Variants in NKAIN3 observed in about 807,000 individuals in gnomAD.
NKAIN3 encodes the protein sodium/potassium transporting ATPase interacting 3, also known as sodium/potassium-transporting ATPase subunit beta-1-interacting protein 3.
In NKAIN3, 25 loss-of-function variants were observed where a neutral mutation model predicts 30.2. The ratio of observed to expected loss-of-function variants is 0.83; its 90% CI spans 0.60 to 1.16. The LOEUF is 1.16. NKAIN3 is among the 50% of genes most tolerant of loss of function. NKAIN3 has a pLI of 0.00. For missense variants in NKAIN3, 225 were observed against 254.1 expected (o/e 0.89, Z 0.78); for synonymous variants, 91 against 89.6 (o/e 1.02, Z -0.09).
chr8:62,782,847 TTAGA>T (rs926676201), intron 4 of NKAIN3, among the ~76,000 whole-genome samples: 6 of 149,396 alleles, frequency 4.0e-5, no homozygotes, highest in Non-Finnish European at 8.9e-5. Flanking sequence ...CAAAATGCAG[TTAGA>T]TAGAAGAAAA....
chr8:62,484,248 A>G (rs1328396896), intron 1 of NKAIN3, among the ~76,000 whole-genome samples: 3 of 151,822 alleles, frequency 2.0e-5, no homozygotes, highest in Non-Finnish European at 2.9e-5. Context: ...GGCTCTTTCT[A>G]TGTCTGTTTC....
Position 62,965,430 on chromosome 8 carries a change from G to C in NKAIN3, c.*23G>C. ...TAGGGAGCAAAGGACCATTGACTGC[G>C]CGCCTCGGTGGATCCGACCCGCCTG... On this transcript the variant is annotated 3_prime_UTR_variant, in exon 7 of 7. Coordinates refer to ENST00000623646, the MANE Select transcript of NKAIN3 (RefSeq NM_001304533.3). 1 of 985,688 alleles carries C rather than the reference G, an allele frequency of 1.0e-6. No homozygotes were observed. Among genetic ancestry groups the C allele is most frequent in the Non-Finnish European group, 1.2e-6 (1 of 829,910 alleles). 61.1% of individuals were successfully genotyped at this position (985,688 alleles called of 1,614,324 possible).
In NKAIN3 at chr8:62,851,587, G is replaced by T. The variant is rs537108813; in HGVS notation, c.472-66866G>T. Among the ~76,000 whole-genome samples, 3 of 152,256 alleles carry T rather than the reference G, an allele frequency of 2.0e-5. No individual in the cohort carries two copies. The South Asian group carries it at 6.2e-4, about 32-fold the overall frequency. On this transcript the variant is annotated intron_variant, in intron 4 of 6. Coordinates refer to ENST00000623646, the MANE Select transcript of NKAIN3 (RefSeq NM_001304533.3). The stretch of plus-strand genomic sequence containing the variant: ...TTGCCCATTCAATATGATATTGGCT[G>T]TGGGTTTGTCATAGATAGCTCTTAT...
intron 4 of NKAIN3, among the ~76,000 whole-genome samples, chr8:62,877,567 T>C (rs1001030513): frequency 2.0e-5 from 3 of 152,236 alleles, no homozygotes; most frequent in Non-Finnish European, 4.4e-5. Flanking sequence ...ACATAGGATC[T>C]TGGCCTGGAG....
chr8:62,957,220 G>A (rs773966269), intron 6 of NKAIN3, among the ~76,000 whole-genome samples: 3 of 151,656 alleles, frequency 2.0e-5, no homozygotes, highest in Non-Finnish European at 4.4e-5. Flanking sequence ...TGCAAGCTCC[G>A]CCTCCTGAGT....
intron 3 of NKAIN3, among the ~76,000 whole-genome samples, chr8:62,743,626 G>C (rs1815978070): frequency 6.6e-6 from 1 of 152,140 alleles, no homozygotes; most frequent in South Asian, 2.1e-4. Context: ...TCCTAGCAAT[G>C]GTCCTAGCTA....
intron 4 of NKAIN3, among the ~76,000 whole-genome samples, chr8:62,846,356 C>T (rs754431541): frequency 3.9e-5 from 6 of 152,012 alleles, no homozygotes; most frequent in Non-Finnish European, 7.4e-5. Context: ...GGTACATGTG[C>T]AGGATGTGCA....
At chr8:62,763,928 G>T (rs753811980) in intron 4 of NKAIN3, among the ~76,000 whole-genome samples, 2 of 152,196 alleles carry the variant, frequency 1.3e-5, no homozygotes, top group African/African-American at 2.4e-5. Flanking sequence ...TGAAGGAGAA[G>T]TTTATTGAGG....
chr8:62,686,309 A>G (rs1813799344), intron 3 of NKAIN3, among the ~76,000 whole-genome samples: 1 of 152,078 alleles, frequency 6.6e-6, no homozygotes, highest in African/African-American at 2.4e-5. Context: ...TCAGACCTAT[A>G]TTGCGTACTG....
At chr8:62,739,149 A>T (rs533544061) in intron 3 of NKAIN3, among the ~76,000 whole-genome samples, 2 of 152,272 alleles carry the variant, frequency 1.3e-5, no homozygotes, top group South Asian at 4.1e-4. Flanking sequence ...GCATTAAGAG[A>T]AATACCTAAT....
At chr8:62,566,708 C>A (rs1809765523) in intron 1 of NKAIN3, among the ~76,000 whole-genome samples, 1 of 152,024 alleles carries the variant, frequency 6.6e-6, no homozygotes, top group Non-Finnish European at 1.5e-5. Flanking sequence ...GACACCAGCT[C>A]CAACTTTTTT....
At chr8:62,376,211 A>G in intron 1 of NKAIN3, among the ~76,000 whole-genome samples, 1 of 152,192 alleles carries the variant, frequency 6.6e-6, no homozygotes, top group Non-Finnish European at 1.5e-5. Context: ...ATGTTTGCAG[A>G]TCCTTCACGC....
rs542984197 is a variant in NKAIN3, at chr8:62,948,348, C to T, written c.533-5554C>T. ...CCGAGTAGCTGAGATTACAGGCACG[C>T]GCCACCACGCCCAGTTAATTTTTGT... On this transcript the variant is annotated intron_variant, in intron 5 of 6. Transcript: ENST00000623646. Among the ~76,000 whole-genome samples the T allele has an allele frequency of 9.9e-5, 15 of 152,034 alleles. No individual in the cohort carries two copies. The South Asian group carries it at 1.2e-3, about 13-fold the overall frequency.
At chr8:62,594,494 C>T (rs555902660) in intron 3 of NKAIN3, among the ~76,000 whole-genome samples, 1 of 152,100 alleles carries the variant, frequency 6.6e-6, no homozygotes, top group Admixed American at 6.6e-5. Flanking sequence ...TCAGCTCTAC[C>T]TTTTTGTTTC....
intron 4 of NKAIN3, among the ~76,000 whole-genome samples, chr8:62,915,196 T>C (rs929582966): frequency 4.6e-5 from 7 of 152,220 alleles, no homozygotes; most frequent in African/African-American, 1.7e-4. Flanking sequence ...CCTAAAGATT[T>C]CCACGTCCTC....
intron 4 of NKAIN3, among the ~76,000 whole-genome samples, chr8:62,844,656 A>G (rs1819622590): frequency 6.6e-6 from 1 of 152,146 alleles, no homozygotes; most frequent in African/African-American, 2.4e-5. Flanking sequence ...TTGTTGTTCT[A>G]TATTAGTTGC....
intron 4 of NKAIN3, among the ~76,000 whole-genome samples, chr8:62,808,489 C>T (rs768629401): frequency 4.3e-4 from 66 of 152,074 alleles, no homozygotes; most frequent in Admixed American, 2.9e-3. Flanking sequence ...GATATTTCAA[C>T]GTAGGTTCTT....
At chr8:62,253,393 T>C (rs2129386840) in intron 1 of NKAIN3, among the ~76,000 whole-genome samples, 1 of 152,208 alleles carries the variant, frequency 6.6e-6, no homozygotes, top group South Asian at 2.1e-4. Context: ...CTGGGCAACA[T>C]AGCGAAACCT....
chr8:62,533,219 C>A (rs28637685), intron 1 of NKAIN3, among the ~76,000 whole-genome samples: 72,740 of 151,984 alleles, frequency 0.48, 18,117 homozygotes, highest in African/African-American at 0.63. Context: ...TGAAAATGTG[C>A]CTTTGAGTAA....
Sources: allele counts gnomAD v4.1 joint callset (sites outside exome capture counted in the v4.1 genomes callset), GRCh38; gene constraint gnomAD v4.1.1; transcripts MANE v1.5; gene names NCBI Gene and HGNC (gene_info 2026-07-23, HGNC 2026-07-21).